Variants in UGT1A5 observed in about 807,000 individuals in gnomAD.
UGT1A5 encodes the protein UDP glucuronosyltransferase family 1 member A5, also known as UDP-glucuronosyltransferase 1A5.
In UGT1A5, 29 loss-of-function variants were observed where a neutral mutation model predicts 40.3. That is an observed-to-expected ratio of 0.72 (90% CI 0.54 to 0.98). The LOEUF (loss-of-function observed/expected upper bound fraction) is 0.98. Ranked by LOEUF, UGT1A5 falls within the 50% of genes least tolerant of loss-of-function variation. UGT1A5 has a pLI of 0.00. For missense variants in UGT1A5, 678 were observed against 677.9 expected (o/e 1.00, Z 0.00); for synonymous variants, 257 against 262.5 (o/e 0.98, Z 0.20).
chr2:233,734,120 A>G (rs2078485100), intron 1 of UGT1A5, among the ~76,000 whole-genome samples: 1 of 152,036 alleles, frequency 6.6e-6, no homozygotes, highest in Non-Finnish European at 1.5e-5. Context: ...AATAATAATA[A>G]TAAAAAGAAT....
intron 4 of UGT1A5, among the ~76,000 whole-genome samples, chr2:233,768,726 G>T (rs929247208): frequency 2.6e-5 from 4 of 151,498 alleles, no homozygotes; most frequent in Non-Finnish European, 5.9e-5. Flanking sequence ...GGGATTACAG[G>T]TGTCCACCAC....
Position 233,729,669 on chromosome 2 carries a change from C to G in UGT1A5, c.867+15811C>G, listed in dbSNP as rs1433524187. ...TGAGGAACATTCCATGTGATTTAGA[C>G]TTTAAGGGCACACAGTGTCCAAACC... On this transcript the variant is annotated intron_variant, in intron 1 of 4. Coordinates refer to ENST00000373414, the MANE Select transcript of UGT1A5 (RefSeq NM_019078.2). 47 of 1,613,792 alleles carry G rather than the reference C, an allele frequency of 2.9e-5. No individual in the cohort carries two copies. Among genetic ancestry groups the G allele is most frequent in the Non-Finnish European group, 3.7e-5 (44 of 1,179,864 alleles).
At chr2:233,748,774 G>A (rs2125894622) in intron 1 of UGT1A5, among the ~76,000 whole-genome samples, 2 of 151,474 alleles carry the variant, frequency 1.3e-5, no homozygotes, top group Middle Eastern at 6.8e-3. Flanking sequence ...AGGTCAATTG[G>A]GTCTTCTACT....
intron 1 of UGT1A5, chr2:233,717,688 G>A: frequency 2.3e-6 from 1 of 441,794 alleles, no homozygotes; most frequent in South Asian, 1.6e-5. Flanking sequence ...ATGTAGGAGT[G>A]ACTTTCTGGA....
intron 3 of UGT1A5, 27 bp downstream of exon 3, chr2:233,767,963 G>A: frequency 1.2e-6 from 2 of 1,614,136 alleles, no homozygotes; most frequent in Non-Finnish European, 1.7e-6. Context: ...GGATGTATAG[G>A]TCAAACCAGG....
chr2:233,769,313 C>G lies in UGT1A5; in HGVS notation c.1307+874C>G, dbSNP rs1699834198. 6.6e-6 allele frequency among the ~76,000 whole-genome samples: 1 copy of G among 152,226 alleles called. No homozygotes were observed. Among genetic ancestry groups the G allele is most frequent in the Admixed American group, 6.5e-5 (1 of 15,282 alleles). ...TTAAAGTTAGTATATTACTGTCAAG[C>G]TCACTGGTAATAGGCTTATTAGAAC... is the stretch of plus-strand genomic sequence containing the variant. On this transcript the variant is annotated intron_variant, in intron 4 of 4. Coordinates refer to ENST00000373414, the MANE Select transcript of UGT1A5 (RefSeq NM_019078.2). This position sits in a 1 kb window ranked among gnomAD's most constrained non-coding sequence, Gnocchi z 4.4.
At chr2:233,739,351 C>A (rs1394476158) in intron 1 of UGT1A5, among the ~76,000 whole-genome samples, 1 of 152,186 alleles carries the variant, frequency 6.6e-6, no homozygotes, top group Admixed American at 6.5e-5. Context: ...CCCAGAAGGG[C>A]AGATCCAATA....
At chr2:233,764,272 G>A (rs1014540651) in intron 1 of UGT1A5, among the ~76,000 whole-genome samples, 1 of 152,062 alleles carries the variant, frequency 6.6e-6, no homozygotes, top group African/African-American at 2.4e-5. Context: ...TTCACTCTTT[G>A]GTCATTCCGG....
At chr2:233,729,744 A>T (rs2077917790) in intron 1 of UGT1A5, 3 of 1,613,828 alleles carry the variant, frequency 1.9e-6, no homozygotes, top group African/African-American at 1.3e-5. Context: ...ACCACATGAC[A>T]TTCATGCAAA....
At chr2:233,747,994 T>C (rs11888459) in intron 1 of UGT1A5, 570,680 of 1,612,980 alleles carry the variant, frequency 0.35, 103,977 homozygotes, top group African/African-American at 0.43. Context: ...CGAGGGGACT[T>C]TGTGATGGAT....
chr2:233,744,073 C>G, intron 1 of UGT1A5: 1 of 475,704 alleles, frequency 2.1e-6, no homozygotes, highest in Non-Finnish European at 3.5e-6. Context: ...ATGAGCGCCT[C>G]GCATCCCAAG....
chr2:233,714,409 CTG>C (rs2076385433), intron 1 of UGT1A5, among the ~76,000 whole-genome samples: 1 of 152,130 alleles, frequency 6.6e-6, no homozygotes, highest in Non-Finnish European at 1.5e-5. Context: ...CAATGGATGT[CTG>C]TGATCAGAGA....
At chr2:233,738,846 A>G (rs1431495514) in intron 1 of UGT1A5, 1 of 152,252 alleles carries the variant, frequency 6.6e-6, no homozygotes, top group Admixed American at 6.5e-5. Context: ...AATGTTAATC[A>G]CCAAGACAAT....
At chr2:233,764,755 C>T (rs1698636396) in intron 1 of UGT1A5, among the ~76,000 whole-genome samples, 1 of 152,062 alleles carries the variant, frequency 6.6e-6, no homozygotes, top group Non-Finnish European at 1.5e-5. Context: ...TGGTGCAGAC[C>T]CTAGGGAGGA....
chr2:233,760,523 A>G lies in UGT1A5; in HGVS notation c.868-6511A>G, dbSNP rs1697475352. 6.2e-7 allele frequency: 1 copy of G among 1,614,204 alleles called. No individual in the cohort carries two copies. The highest frequency in any genetic ancestry group is 8.5e-7 in the Non-Finnish European group (1 of 1,180,040). On this transcript the variant is annotated intron_variant, in intron 1 of 4. Coordinates refer to ENST00000373414, the MANE Select transcript of UGT1A5 (RefSeq NM_019078.2). ...GGAGCATTTTACACCTTGAAGACGT[A>G]CCCTGTGCCATTCCAAAGGGAGGAT...
At chr2:233,721,341 A>G (rs1240342005) in intron 1 of UGT1A5, among the ~76,000 whole-genome samples, 4 of 152,142 alleles carry the variant, frequency 2.6e-5, no homozygotes, top group Admixed American at 2.6e-4. Context: ...CACTATGAAT[A>G]TATTCTTTAG....
At chr2:233,740,329 G>C (rs1400491740) in intron 1 of UGT1A5, among the ~76,000 whole-genome samples, 1 of 151,932 alleles carries the variant, frequency 6.6e-6, no homozygotes, top group Admixed American at 6.5e-5. Context: ...TGCATTTATT[G>C]AGAAAGTTGA....
chr2:233,752,595 T>A (rs1013400964), intron 1 of UGT1A5: 3 of 152,218 alleles, frequency 2.0e-5, no homozygotes, highest in Non-Finnish European at 2.9e-5. Context: ...CTACAAGATT[T>A]TTTTTAAAAA....
At chr2:233,716,556 T>A (rs1435201445) in intron 1 of UGT1A5, among the ~76,000 whole-genome samples, 1 of 152,206 alleles carries the variant, frequency 6.6e-6, no homozygotes, top group Non-Finnish European at 1.5e-5. Context: ...ATATTCCTTT[T>A]TTCATTTTTT....
Sources: gnomAD v4.1 joint callset for allele counts (sites outside exome capture counted in the v4.1 genomes callset) on GRCh38, gnomAD v4.1.1 for gene constraint, Gnocchi (gnomAD v3.1) non-coding constraint, MANE v1.5 for transcripts, NCBI Gene and HGNC (gene_info 2026-07-23, HGNC 2026-07-21) for gene names.